Variants in KIF13A observed in about 807,000 individuals in gnomAD.
KIF13A encodes the protein kinesin-like protein KIF13A.
KIF13A carries 79 observed loss-of-function variants against 212.2 expected under a neutral mutation model. That is an observed-to-expected ratio of 0.37 (90% confidence interval 0.31 to 0.45). The LOEUF is 0.45. Among genes scored for constraint, KIF13A ranks in the 20% least tolerant of loss-of-function variants. KIF13A has a pLI of 1.00. For synonymous variants in KIF13A, 789 were observed against 808.6 expected (o/e 0.98, Z 0.41); for missense variants, 1,901 against 2,209.0 (o/e 0.86, Z 2.79).
rs1777492899 is a variant in KIF13A, at chr6:17,947,356, C to A, written c.146+39698G>T. On this transcript the variant is annotated intron_variant, in intron 2 of 38. Coordinates refer to ENST00000259711, the MANE Select transcript of KIF13A (RefSeq NM_022113.6). The surrounding 1 kb of genome is among the most constrained non-coding windows in gnomAD (Gnocchi z 4.6). ...CATGCAATGAATTTTTTAAATAAAG[C>A]AAATTTAAATACTTCTATTTTTAAA... Among the ~76,000 whole-genome samples the A allele has an allele frequency of 6.6e-6, 1 of 151,934 alleles. No individual in the cohort carries two copies. Among genetic ancestry groups the A allele is most frequent in the African/African-American group, 2.4e-5 (1 of 41,386 alleles).
intron 17 of KIF13A, among the ~76,000 whole-genome samples, chr6:17,813,316 C>T (rs1763601950): frequency 6.6e-6 from 1 of 152,098 alleles, no homozygotes; most frequent in African/African-American, 2.4e-5. Context: ...CTCATCTCTA[C>T]TAAAAATACA....
chr6:17,824,773 A>AAAC (rs1554174583), intron 16 of KIF13A, among the ~76,000 whole-genome samples: 1 of 147,916 alleles, frequency 6.8e-6, no homozygotes, highest in Non-Finnish European at 1.5e-5. Context: ...AAAAAAAAAA[A>AAAC]AAAAAAACAA....
At chr6:17,833,577 T>C (rs2150375542) in intron 12 of KIF13A, among the ~76,000 whole-genome samples, 1 of 149,000 alleles carries the variant, frequency 6.7e-6, no homozygotes, top group East Asian at 2.0e-4. Flanking sequence ...TTTCTGAGGC[T>C]GGGTGCAGTG....
chr6:17,777,483 A>G lies in KIF13A; in HGVS notation c.4093-129T>C, dbSNP rs1760104289. 5.4e-6 allele frequency: 4 copies of G among 737,952 alleles called. No individual in the cohort carries two copies. In the East Asian group the frequency reaches 1.1e-4, roughly 21 times the overall value. The allele number at this position is 737,952 out of a possible 1,614,324, so 45.7% of individuals were successfully genotyped here. A position where few individuals can be genotyped will look rare whatever the true frequency, so the allele number is the denominator to read the frequency against. On this transcript the variant is annotated intron_variant, in intron 33 of 38. Coordinates refer to ENST00000259711, the MANE Select transcript of KIF13A (RefSeq NM_022113.6). The surrounding 1 kb of genome is among the most constrained non-coding windows in gnomAD (Gnocchi z 4.4). ...ACTGCAACCTCTGCCTCCTGGGTTC[A>G]AGCAATTCTGCCTCAGTCTCCTGAG...
chr6:17,814,765 C>T (rs553040966), intron 17 of KIF13A, among the ~76,000 whole-genome samples: 2 of 152,300 alleles, frequency 1.3e-5, no homozygotes, highest in South Asian at 2.1e-4. Context: ...GGCAAGAACA[C>T]AACTGAAGTC....
intron 20 of KIF13A, among the ~76,000 whole-genome samples, chr6:17,804,045 G>A (rs1196672099): frequency 2.0e-5 from 3 of 152,202 alleles, no homozygotes; most frequent in East Asian, 3.9e-4. Context: ...CCAGCTACTC[G>A]GGAGGCTGAG....
At chr6:17,770,499 A>T (rs1433918772) in intron 38 of KIF13A, 1 of 151,400 alleles carries the variant, frequency 6.6e-6, no homozygotes, top group Non-Finnish European at 1.5e-5. Flanking sequence ...TTGTGGGTAG[A>T]GTTTCAGCCT....
intron 2 of KIF13A, among the ~76,000 whole-genome samples, chr6:17,910,759 T>C (rs191404066): frequency 1.7e-3 from 254 of 152,316 alleles, no homozygotes; most frequent in African/African-American, 5.9e-3. Flanking sequence ...AGGTTTTTTT[T>C]GGTTGTCGTT....
chr6:17,849,248 T>C lies in KIF13A; in HGVS notation c.830+129A>G. ...CAGACACAGGTTGTTGTTGTTTTTC[T>C]TCAGCCCAGTTTACTAAAGCTATAC... is the stretch of plus-strand genomic sequence containing the variant. On this transcript the variant is annotated intron_variant, in intron 9 of 38. Transcript: ENST00000259711. This position sits in a 1 kb window ranked among gnomAD's most constrained non-coding sequence, Gnocchi z 5.7. 1.6e-6 allele frequency: 1 copy of C among 631,906 alleles called. No homozygotes were observed. The highest frequency in any genetic ancestry group is 3.2e-5 in the Admixed American group (1 of 30,852). 39.1% of individuals were successfully genotyped at this position (631,906 alleles called of 1,614,324 possible).
In KIF13A at chr6:17,787,807, A is replaced by C. The variant is rs1761187646; in HGVS notation, c.3330T>G (p.Asp1110Glu). Reference sequence around the variant, plus strand: ...TATTGCTGACTTTTTTTATCTGTTCATCCAGGTATTCTCGTCGTTTAATGA... The same window carrying C: ...TATTGCTGACTTTTTTTATCTGTTCCTCCAGGTATTCTCGTCGTTTAATGA... ...DALIKRREYL[D>E]EQIKKVSNKT... Residue 1110 changes from aspartate (D) to glutamate (E), a missense_variant, in exon 27 of 39, where the codon GAT becomes GAG. Transcript: ENST00000259711. The surrounding 1 kb of genome is among the most constrained non-coding windows in gnomAD (Gnocchi z 4.6). 1 of 1,612,848 alleles carries C rather than the reference A, an allele frequency of 6.2e-7. No individual in the cohort carries two copies. The highest frequency in any genetic ancestry group is 8.5e-7 in the Non-Finnish European group (1 of 1,178,980).
At chr6:17,920,239 A>C (rs1774934090) in intron 2 of KIF13A, among the ~76,000 whole-genome samples, 1 of 152,184 alleles carries the variant, frequency 6.6e-6, no homozygotes, top group Non-Finnish European at 1.5e-5. Flanking sequence ...CCTGTCATGA[A>C]ACATGTCTAA....
At position 17,780,747 on chromosome 6, in the gene KIF13A, T is replaced by C. The variant is rs761198847; in HGVS notation, c.3829A>G (p.Asn1277Asp). ...GTTATTACCTGTTTGTTGTAAATAT[T>C]GGCTGCAATTCGTTTTCGTAATACT... is the stretch of plus-strand genomic sequence containing the variant. ...ELVLRKRIAA[N>D]IYNKQSFTQS... Residue 1277 changes from asparagine (N) to aspartate (D), a missense_variant, in exon 31 of 39, where the codon AAT becomes GAT. Coordinates refer to ENST00000259711, the MANE Select transcript of KIF13A (RefSeq NM_022113.6). The C allele has an allele frequency of 1.2e-6, 2 of 1,613,964 alleles. No individual in the cohort carries two copies. The highest frequency in any genetic ancestry group is 1.7e-6 in the Non-Finnish European group (2 of 1,179,838).
chr6:17,793,692 C>T (rs1004666995), intron 25 of KIF13A, among the ~76,000 whole-genome samples: 1 of 151,784 alleles, frequency 6.6e-6, no homozygotes, highest in Non-Finnish European at 1.5e-5. Flanking sequence ...GCAGGAGGAT[C>T]ACTTGAGTCC....
At chr6:17,765,472 C>T (rs1758860689) in intron 38 of KIF13A, among the ~76,000 whole-genome samples, 2 of 152,168 alleles carry the variant, frequency 1.3e-5, no homozygotes, top group Admixed American at 1.3e-4. Context: ...AAGAACCCAA[C>T]TGCAAAAGGG....
rs1410623680 is a variant in KIF13A, at chr6:17,917,546, C to T, written c.147-19366G>A. On this transcript the variant is annotated intron_variant, in intron 2 of 38. Coordinates refer to ENST00000259711, the MANE Select transcript of KIF13A (RefSeq NM_022113.6). ...GTGAGCCACTGCACCTGGCCTTACACATGGTTCTTGACACCTTATCTTATT... is the reference window on the plus strand; with the variant it reads ...GTGAGCCACTGCACCTGGCCTTACATATGGTTCTTGACACCTTATCTTATT... 2.0e-5 allele frequency among the ~76,000 whole-genome samples: 3 copies of T among 151,986 alleles called. No individual in the cohort carries two copies. The East Asian group carries it at 5.8e-4, about 29-fold the overall frequency.
At chr6:17,943,518 G>A (rs937113612) in intron 2 of KIF13A, among the ~76,000 whole-genome samples, 1 of 151,658 alleles carries the variant, frequency 6.6e-6, no homozygotes, top group Non-Finnish European at 1.5e-5. Context: ...AAAGTGCTGG[G>A]ATTACAGGTG....
At position 17,783,318 on chromosome 6, in the gene KIF13A, C is replaced by T. The variant is rs1760772940; in HGVS notation, c.3544+328G>A. On this transcript the variant is annotated intron_variant, in intron 29 of 38. Transcript: ENST00000259711. This position sits in a 1 kb window ranked among gnomAD's most constrained non-coding sequence, Gnocchi z 4.3. ...AACTATTTGAGGAGAGTTAAGGGCA[C>T]TAGTCAGAGATGCAGATTCATAGGC... Among the ~76,000 whole-genome samples the T allele has an allele frequency of 2.6e-5, 4 of 152,190 alleles. No homozygotes were observed. The South Asian group carries it at 8.3e-4, about 31-fold the overall frequency.
rs1480296175 is a variant in KIF13A, at chr6:17,961,260, G to A, written c.146+25794C>T. Among the ~76,000 whole-genome samples the A allele has an allele frequency of 6.6e-6, 1 of 152,208 alleles. No individual in the cohort carries two copies. Among genetic ancestry groups the A allele is most frequent in the Non-Finnish European group, 1.5e-5 (1 of 68,040 alleles). Reference sequence around the variant, plus strand: ...GAGATCTGGACTTGGCAAGGAGGTGGACTTCACTAGTGTGGGCTGGTAAGG... The same window carrying A: ...GAGATCTGGACTTGGCAAGGAGGTGAACTTCACTAGTGTGGGCTGGTAAGG... On this transcript the variant is annotated intron_variant, in intron 2 of 38. Coordinates refer to ENST00000259711, the MANE Select transcript of KIF13A (RefSeq NM_022113.6). The surrounding 1 kb of genome is among the most constrained non-coding windows in gnomAD (Gnocchi z 4.1).
At chr6:17,958,677 C>T (rs1290829544) in intron 2 of KIF13A, among the ~76,000 whole-genome samples, 2 of 152,106 alleles carry the variant, frequency 1.3e-5, no homozygotes, top group African/African-American at 4.8e-5. Context: ...TTCATCTTCA[C>T]CTTGAATATA....
Sources: allele counts gnomAD v4.1 joint callset (sites outside exome capture counted in the v4.1 genomes callset), GRCh38; gene constraint gnomAD v4.1.1; non-coding constraint Gnocchi (gnomAD v3.1); transcripts MANE v1.5; gene names NCBI Gene and HGNC (gene_info 2026-07-23, HGNC 2026-07-21).